MAP4K5: variants seen among roughly 807,000 people sequenced by gnomAD.
The protein encoded by MAP4K5 is mitogen-activated protein kinase kinase kinase kinase 5.
Under a neutral mutation model 135.6 loss-of-function variants are expected in MAP4K5, and 82 were observed. The observed-to-expected ratio is 0.60, with a 90% CI of 0.51 to 0.73. The LOEUF (loss-of-function observed/expected upper bound fraction) is 0.73, where lower values mean the gene tolerates loss of function less well. MAP4K5 is among the 30% of genes least tolerant of loss of function. The probability of loss-of-function intolerance (pLI) is 0.00; values close to 1 mark genes in which losing one functional copy is unlikely to be tolerated. For missense variants in MAP4K5, 907 were observed against 1,010.9 expected, an observed-to-expected ratio of 0.90 and a Z score of 1.39; for synonymous variants, 347 against 335.0, an observed-to-expected ratio of 1.04 and a Z score of -0.39.
At chr14:50,471,584 G>C (rs769170313) in intron 9 of MAP4K5, among the ~76,000 whole-genome samples, 2 of 152,050 alleles carry the variant, frequency 1.3e-5, no homozygotes, top group East Asian at 3.9e-4. Context: ...CCTCATAAAT[G>C]TAAGAAATGT....
At chr14:50,558,435 G>A (rs543670589) in intron 1 of MAP4K5, among the ~76,000 whole-genome samples, 3 of 152,174 alleles carry the variant, frequency 2.0e-5, no homozygotes, top group African/African-American at 7.2e-5. Context: ...ATTCAGGCAA[G>A]GATCAATGGA....
intron 1 of MAP4K5, among the ~76,000 whole-genome samples, chr14:50,553,645 T>C (rs574461851): frequency 2.0e-5 from 3 of 152,256 alleles, no homozygotes; most frequent in Admixed American, 6.5e-5. Context: ...AAAAGATGAA[T>C]GCACACGCAT....
intron 2 of MAP4K5, among the ~76,000 whole-genome samples, chr14:50,516,111 T>C (rs2038028729): frequency 6.6e-6 from 1 of 152,240 alleles, no homozygotes; most frequent in Admixed American, 6.5e-5. Flanking sequence ...CTTAAACTTA[T>C]AAGCCAAATC....
intron 1 of MAP4K5, among the ~76,000 whole-genome samples, chr14:50,551,522 C>T: frequency 6.6e-6 from 1 of 152,110 alleles, no homozygotes; most frequent in East Asian, 1.9e-4. Flanking sequence ...CTAAATCATT[C>T]TTTGAAGGCA....
chr14:50,498,736 T>C (rs772146058), intron 3 of MAP4K5, among the ~76,000 whole-genome samples: 1 of 152,240 alleles, frequency 6.6e-6, no homozygotes, highest in African/African-American at 2.4e-5. Context: ...AGCTGGAATT[T>C]CATTTACTTA....
At chr14:50,524,345 C>A (rs1020772626) in intron 2 of MAP4K5, among the ~76,000 whole-genome samples, 1 of 152,080 alleles carries the variant, frequency 6.6e-6, no homozygotes, top group Non-Finnish European at 1.5e-5. Context: ...CTTAATGAAC[C>A]CTTCCAACTC....
At chr14:50,451,317 C>T (rs1228387947) in intron 14 of MAP4K5, among the ~76,000 whole-genome samples, 3 of 152,000 alleles carry the variant, frequency 2.0e-5, no homozygotes, top group Admixed American at 6.5e-5. Context: ...TACAAAGCCT[C>T]CACGACCTGT....
chr14:50,436,777 G>A (rs1252769247), intron 26 of MAP4K5, among the ~76,000 whole-genome samples: 4 of 152,168 alleles, frequency 2.6e-5, no homozygotes, highest in South Asian at 2.1e-4. Flanking sequence ...GAAAAGTAAC[G>A]CCATCCATTA....
chr14:50,558,193 C>T (rs1202148689), intron 1 of MAP4K5, among the ~76,000 whole-genome samples: 5 of 152,052 alleles, frequency 3.3e-5, no homozygotes, highest in South Asian at 2.1e-4. Flanking sequence ...GGAGAAACCC[C>T]GTCTCTACAT....
chr14:50,444,981 C>T, intron 18 of MAP4K5, 60 bp downstream of exon 18: 1 of 1,498,134 alleles, frequency 6.7e-7, no homozygotes, highest in Non-Finnish European at 9.0e-7. Flanking sequence ...TTGATTTATT[C>T]ACCCAGATAA....
At chr14:50,468,303 G>A in intron 10 of MAP4K5, 1 of 174,594 alleles carries the variant, frequency 5.7e-6, no homozygotes, top group Non-Finnish European at 1.2e-5. Context: ...TGATTATGAA[G>A]AGAAATTTGT....
rs532225867 is a variant in MAP4K5 at position 50,486,755 on chromosome 14, A to AC, written c.167-562dup. Among the ~76,000 whole-genome samples, 8 of 152,100 alleles carry AC rather than the reference A, an allele frequency of 5.3e-5. No homozygotes were observed. In the South Asian group the frequency reaches 1.7e-3, roughly 32 times the overall value. On this transcript the variant is annotated intron_variant, in intron 3 of 32. Coordinates refer to ENST00000682126, the MANE Select transcript of MAP4K5 (RefSeq NM_006575.6). ...AGACCAGCCTGGCCAACATGGTGAG[A>AC]CCCCGTTTCTACTAAAAACACAAAA...
Position 50,500,928 on chromosome 14 carries a change from C to T in MAP4K5, c.166+3872G>A, listed in dbSNP as rs546379404. On this transcript the variant is annotated intron_variant, in intron 3 of 32. Coordinates refer to ENST00000682126, the MANE Select transcript of MAP4K5 (RefSeq NM_006575.6). ...GATTTAAATTATAATATTCCTAATACGGGAAAATCTTTTTGATAATATGAC... is the reference window on the plus strand; with the variant it reads ...GATTTAAATTATAATATTCCTAATATGGGAAAATCTTTTTGATAATATGAC... 3.0e-4 allele frequency among the ~76,000 whole-genome samples: 46 copies of T among 152,098 alleles called. 1 individual carries two copies. Among genetic ancestry groups the T allele is most frequent in the South Asian group, 1.2e-3 (6 of 4,814 alleles).
chr14:50,510,658 T>G (rs1342951310), intron 2 of MAP4K5, among the ~76,000 whole-genome samples: 2 of 152,188 alleles, frequency 1.3e-5, no homozygotes, highest in African/African-American at 2.4e-5. Context: ...CATATTATGA[T>G]GAATTAAAGT....
chr14:50,468,864 T>G (rs1160679357), intron 9 of MAP4K5, 82 bp from the exon 10 acceptor site: 1 of 1,325,158 alleles, frequency 7.5e-7, no homozygotes, highest in East Asian at 2.5e-5. Context: ...TCACCAGACT[T>G]GTTGGAGGGA....
At chr14:50,521,789 A>G (rs2038157847) in intron 2 of MAP4K5, among the ~76,000 whole-genome samples, 1 of 152,208 alleles carries the variant, frequency 6.6e-6, no homozygotes, top group Admixed American at 6.5e-5. Flanking sequence ...ATAAAATTAT[A>G]TTAGGCCTAA....
chr14:50,526,303 C>CT (rs1463133528), intron 2 of MAP4K5, among the ~76,000 whole-genome samples: 1 of 152,050 alleles, frequency 6.6e-6, no homozygotes, highest in East Asian at 1.9e-4. Context: ...TGTCTGCTTT[C>CT]TTTTTTCTTT....
At chr14:50,524,393 G>C (rs1441844097) in intron 2 of MAP4K5, among the ~76,000 whole-genome samples, 1 of 151,958 alleles carries the variant, frequency 6.6e-6, no homozygotes, top group Non-Finnish European at 1.5e-5. Context: ...ACTCCTTCAA[G>C]GCATATTTAT....
rs147132539 is a variant in MAP4K5, at chr14:50,455,900, T to C, written c.1015+616A>G. On this transcript the variant is annotated intron_variant, in intron 14 of 32. Transcript: ENST00000682126. The stretch of plus-strand genomic sequence containing the variant: ...ATTAATTTAGCTAAGGTGACAAATA[T>C]TGATAGAAAATTTTCATCTGTCAAT... 2.7e-3 allele frequency among the ~76,000 whole-genome samples: 414 copies of C among 152,220 alleles called. 2 individuals carry two copies. The highest frequency in any genetic ancestry group is 9.2e-3 in the African/African-American group (382 of 41,576).
Sources: gnomAD v4.1 joint callset for allele counts (sites outside exome capture counted in the v4.1 genomes callset) on GRCh38, gnomAD v4.1.1 for gene constraint, MANE v1.5 for transcripts, NCBI Gene and HGNC (gene_info 2026-07-23, HGNC 2026-07-21) for gene names.